The following CDH9 variants were observed in gnomAD, a reference collection of about 807,000 sequenced individuals.
CDH9 encodes cadherin 9.
In CDH9, 28 loss-of-function variants were observed where a neutral mutation model predicts 70.9. The ratio of observed to expected loss-of-function variants is 0.40; its 90% CI spans 0.29 to 0.54. The LOEUF (loss-of-function observed/expected upper bound fraction) is 0.54, where lower values mean the gene tolerates loss of function less well. Ranked by LOEUF, CDH9 falls within the 20% of genes least tolerant of loss-of-function variation. CDH9 has a pLI of 0.59. For synonymous variants in CDH9, 409 were observed against 343.1 expected (o/e 1.19, Z -2.12); for missense variants, 874 against 984.4 (o/e 0.89, Z 1.50).
At chr5:27,027,528 T>G (rs193149434) in intron 1 of CDH9, among the ~76,000 whole-genome samples, 38 of 152,138 alleles carry the variant, frequency 2.5e-4, no homozygotes, top group Non-Finnish European at 4.3e-4. Flanking sequence ...TGCTAATATC[T>G]TAGTTTTGCA....
At chr5:26,973,055 G>A (rs549210931) in intron 2 of CDH9, among the ~76,000 whole-genome samples, 30 of 152,100 alleles carry the variant, frequency 2.0e-4, no homozygotes, top group African/African-American at 6.3e-4. Context: ...GTAGAGATGG[G>A]GTTTCACCAT....
chr5:26,987,091 C>CTTTTTTTT (rs201154706), intron 2 of CDH9, among the ~76,000 whole-genome samples: 238 of 108,240 alleles, frequency 2.2e-3, no homozygotes, highest in East Asian at 5.6e-3. Flanking sequence ...CACTTGTATT[C>CTTTTTTTT]TTTTTTTTTT....
At chr5:27,010,927 T>C (rs555076696) in intron 1 of CDH9, among the ~76,000 whole-genome samples, 18 of 152,144 alleles carry the variant, frequency 1.2e-4, no homozygotes, top group Non-Finnish European at 2.6e-4. Flanking sequence ...TAACACTTTA[T>C]CAACAGGAAT....
chr5:26,917,020 T>G (rs1741160871), intron 2 of CDH9, among the ~76,000 whole-genome samples: 1 of 151,958 alleles, frequency 6.6e-6, no homozygotes, highest in Non-Finnish European at 1.5e-5. Context: ...GGCTGATCAT[T>G]GAATATTTAC....
chr5:26,973,024 C>T (rs1419787354), intron 2 of CDH9, among the ~76,000 whole-genome samples: 2 of 152,006 alleles, frequency 1.3e-5, no homozygotes, highest in African/African-American at 4.8e-5. Context: ...CTACCACACT[C>T]GGCTAATTTT....
chr5:26,963,885 G>A (rs959043107), intron 2 of CDH9, among the ~76,000 whole-genome samples: 4 of 152,006 alleles, frequency 2.6e-5, no homozygotes, highest in African/African-American at 7.2e-5. Context: ...ACACTGATAT[G>A]GAGTTTGAAA....
At chr5:27,006,928 C>T (rs1742873932) in intron 1 of CDH9, among the ~76,000 whole-genome samples, 1 of 152,088 alleles carries the variant, frequency 6.6e-6, no homozygotes, top group Admixed American at 6.6e-5. Context: ...AGTCTACATA[C>T]ATAACCAGAG....
chr5:27,032,493 C>T (rs1010260493), intron 1 of CDH9, among the ~76,000 whole-genome samples: 1 of 151,496 alleles, frequency 6.6e-6, no homozygotes, highest in African/African-American at 2.4e-5. Flanking sequence ...TTAAATATGT[C>T]ACATCATCTA....
At chr5:27,021,424 T>C (rs1743136806) in intron 1 of CDH9, among the ~76,000 whole-genome samples, 1 of 151,800 alleles carries the variant, frequency 6.6e-6, no homozygotes, top group African/African-American at 2.4e-5. Context: ...AATTAAAATC[T>C]CTTCCTAAAT....
At position 26,881,538 on chromosome 5, in the gene CDH9, A is replaced by G; in HGVS notation, c.1968T>C (p.Ile656=). 1 of 1,613,722 alleles carries G rather than the reference A, an allele frequency of 6.2e-7. No homozygotes were observed. Among genetic ancestry groups the G allele is most frequent in the South Asian group, 1.1e-5 (1 of 91,078 alleles). The change falls in exon 12 of 12, where the codon ATT becomes ATC. Residue 656 remains isoleucine, a synonymous_variant. Coordinates refer to ENST00000231021, the MANE Select transcript of CDH9 (RefSeq NM_016279.4). Reference sequence around the variant, plus strand: ...CGCCGCCTTCATCGTTGTAGGTCACAATGTTGTCCCGGACATCGTCTTTTG... The same window carrying G: ...CGCCGCCTTCATCGTTGTAGGTCACGATGTTGTCCCGGACATCGTCTTTTG... ...IISKDDVRDN[I]VTYNDEGGGE...
chr5:26,921,949 A>G (rs921023764), intron 2 of CDH9, among the ~76,000 whole-genome samples: 2 of 151,990 alleles, frequency 1.3e-5, no homozygotes, highest in African/African-American at 4.8e-5. Context: ...GCATCAGAGT[A>G]TGTTAAAAGC....
chr5:26,945,714 T>G (rs1328276232), intron 2 of CDH9, among the ~76,000 whole-genome samples: 1 of 152,122 alleles, frequency 6.6e-6, no homozygotes, highest in Non-Finnish European at 1.5e-5. Flanking sequence ...TAAGAAATAC[T>G]CTGCTGGGGA....
At chr5:26,901,844 T>C (rs990685561) in intron 7 of CDH9, among the ~76,000 whole-genome samples, 1 of 151,894 alleles carries the variant, frequency 6.6e-6, no homozygotes, top group African/African-American at 2.4e-5. Context: ...AGATATGCTA[T>C]ACAAATTAAT....
At chr5:27,034,726 T>G (rs1743362959) in intron 1 of CDH9, among the ~76,000 whole-genome samples, 1 of 151,540 alleles carries the variant, frequency 6.6e-6, no homozygotes, top group Admixed American at 6.6e-5. Context: ...AATCTCTTGG[T>G]CAGGCTCCAG....
chr5:26,956,490 C>T (rs950142727), intron 2 of CDH9, among the ~76,000 whole-genome samples: 3 of 152,126 alleles, frequency 2.0e-5, no homozygotes, highest in Admixed American at 6.5e-5. Flanking sequence ...CAGAGACATC[C>T]TAAGGCTGTT....
intron 2 of CDH9, among the ~76,000 whole-genome samples, chr5:26,968,337 G>A (rs1026336530): frequency 6.6e-6 from 1 of 151,950 alleles, no homozygotes; most frequent in Non-Finnish European, 1.5e-5. Context: ...CCAGGCTGGA[G>A]TGCAGTGGCG....
chr5:27,023,899 A>G (rs994800587), intron 1 of CDH9, among the ~76,000 whole-genome samples: 2 of 151,776 alleles, frequency 1.3e-5, no homozygotes, highest in Admixed American at 1.3e-4. Context: ...TAAAAATACA[A>G]CACTTAGCTG....
intron 1 of CDH9, among the ~76,000 whole-genome samples, chr5:27,036,280 G>C (rs944091860): frequency 1.3e-5 from 2 of 151,778 alleles, no homozygotes; most frequent in African/African-American, 4.8e-5. Context: ...GCATGTATAG[G>C]GGTTACAGGA....
chr5:26,980,861 C>A (rs925079236), intron 2 of CDH9, among the ~76,000 whole-genome samples: 3 of 152,112 alleles, frequency 2.0e-5, no homozygotes, highest in Non-Finnish European at 2.9e-5. Context: ...TAGAGAAATT[C>A]TTTAAGATAA....
Sources: gnomAD v4.1 joint callset for allele counts (sites outside exome capture counted in the v4.1 genomes callset) on GRCh38, gnomAD v4.1.1 for gene constraint, MANE v1.5 for transcripts, NCBI Gene and HGNC (gene_info 2026-07-23, HGNC 2026-07-21) for gene names.